Variants in BRAP observed in about 807,000 individuals in gnomAD.
BRAP encodes BRCA1-associated protein.
In BRAP, 42 loss-of-function variants were observed where a neutral mutation model predicts 73.4. The ratio of observed to expected loss-of-function variants is 0.57; its 90% confidence interval spans 0.45 to 0.74. BRAP has a LOEUF of 0.74. Ranked by LOEUF, BRAP falls within the 30% of genes least tolerant of loss-of-function variation. The pLI is 0.00. For synonymous variants in BRAP, 255 were observed against 267.4 expected, an observed-to-expected ratio of 0.95 and a Z score of 0.45; for missense variants, 593 against 751.4, an observed-to-expected ratio of 0.79 and a Z score of 2.46.
chr12:111,651,634 T>C (rs1706735809), intron 10 of BRAP, among the ~76,000 whole-genome samples: 2 of 150,534 alleles, frequency 1.3e-5, no homozygotes, highest in South Asian at 2.1e-4. Flanking sequence ...AGATTTCTTT[T>C]CTTTTTTTTT....
At chr12:111,670,318 T>C (rs1566123228) in intron 5 of BRAP, 5 of 541,548 alleles carry the variant, frequency 9.2e-6, no homozygotes, top group South Asian at 3.0e-5. Context: ...CTTCAGGTCC[T>C]CTGGCAGCTC....
intron 5 of BRAP, among the ~76,000 whole-genome samples, chr12:111,669,230 C>CT (rs1345431689): frequency 1.2e-4 from 18 of 151,426 alleles, no homozygotes; most frequent in Non-Finnish European, 1.5e-4. Flanking sequence ...TTGCTTCTCT[C>CT]TCTTTTTTTT....
chr12:111,648,310 ACT>A (rs1886188020), intron 11 of BRAP, among the ~76,000 whole-genome samples: 3 of 137,766 alleles, frequency 2.2e-5, no homozygotes, highest in South Asian at 2.3e-4. Context: ...ACAGAGCAAG[ACT>A]CTCTCTAAAA....
At chr12:111,681,246 T>C (rs1012842031) in intron 3 of BRAP, among the ~76,000 whole-genome samples, 1 of 151,984 alleles carries the variant, frequency 6.6e-6, no homozygotes, top group Admixed American at 6.6e-5. Flanking sequence ...GGTGGGCACC[T>C]GTAATCCCAG....
chr12:111,654,540 T>G (rs1886445444), intron 10 of BRAP, among the ~76,000 whole-genome samples: 1 of 152,202 alleles, frequency 6.6e-6, no homozygotes, highest in African/African-American at 2.4e-5. Flanking sequence ...GGCCTCAAAC[T>G]CCTGACCTCA....
chr12:111,660,233 T>G (rs1351745556), intron 7 of BRAP, among the ~76,000 whole-genome samples: 8 of 151,962 alleles, frequency 5.3e-5, no homozygotes, highest in Admixed American at 5.2e-4. Context: ...AAATTCACAA[T>G]TCATCAGTAA....
intron 8 of BRAP, 148 bp downstream of exon 8, chr12:111,659,059 A>C: frequency 1.0e-5 from 10 of 988,732 alleles, no homozygotes; most frequent in Non-Finnish European, 1.5e-5. Flanking sequence ...CATTCCTAGA[A>C]AAATAGTGCC....
chr12:111,684,665 T>C (rs1462584185), intron 1 of BRAP, among the ~76,000 whole-genome samples: 4 of 151,308 alleles, frequency 2.6e-5, no homozygotes, highest in African/African-American at 9.7e-5. Flanking sequence ...GAGCATAAGT[T>C]TTTTTTTTGT....
chr12:111,677,016 A>G (rs367555105), intron 4 of BRAP, among the ~76,000 whole-genome samples: 23 of 152,328 alleles, frequency 1.5e-4, no homozygotes, highest in African/African-American at 5.1e-4. Context: ...CCTGTTTCGC[A>G]GTCTCAGAAA....
intron 7 of BRAP, 55 bp downstream of exon 7, chr12:111,660,545 A>T: frequency 2.0e-6 from 3 of 1,466,558 alleles, no homozygotes; most frequent in Non-Finnish European, 2.8e-6. Context: ...GGCAGAAGAA[A>T]ACTCATGACA....
At chr12:111,682,447 G>A (rs895748477) in intron 2 of BRAP, among the ~76,000 whole-genome samples, 2 of 137,284 alleles carry the variant, frequency 1.5e-5, no homozygotes, top group Admixed American at 8.2e-5. Context: ...GTTGCAGTAA[G>A]CCGAGATCAT....
At chr12:111,666,052 G>C (rs112379529) in intron 5 of BRAP, among the ~76,000 whole-genome samples, 3 of 152,030 alleles carry the variant, frequency 2.0e-5, no homozygotes, top group African/African-American at 7.3e-5. Context: ...TTTGACTCCT[G>C]GCAGGATATC....
chr12:111,646,411 C>T (rs1886114315), intron 11 of BRAP, among the ~76,000 whole-genome samples: 1 of 152,202 alleles, frequency 6.6e-6, no homozygotes, highest in Non-Finnish European at 1.5e-5. Context: ...AAAAGAGGCA[C>T]TTACACACTA....
In BRAP at chr12:111,649,925, C is replaced by T; in HGVS notation, c.1415+14G>A. On this transcript the variant is annotated intron_variant, in intron 11 of 11. Transcript: ENST00000419234. ...ATAGAGCCTGTTACAACAGAATAGA[C>T]CGATTATACCTACTTTCTTTCCACA... 2 of 1,549,272 alleles carry T rather than the reference C, an allele frequency of 1.3e-6. No homozygotes were observed. Among genetic ancestry groups the T allele is most frequent in the Non-Finnish European group, 1.8e-6 (2 of 1,123,864 alleles).
intron 9 of BRAP, among the ~76,000 whole-genome samples, chr12:111,658,066 G>C (rs1886599448): frequency 6.6e-6 from 1 of 151,114 alleles, no homozygotes; most frequent in African/African-American, 2.4e-5. Context: ...AGCCTCCCAA[G>C]TAGCTGGGAT....
intron 4 of BRAP, among the ~76,000 whole-genome samples, chr12:111,675,213 A>G (rs1237831322): frequency 3.3e-5 from 5 of 151,882 alleles, no homozygotes; most frequent in Non-Finnish European, 5.9e-5. Flanking sequence ...GTGAGCCGAG[A>G]TCGTGCCACT....
intron 11 of BRAP, among the ~76,000 whole-genome samples, chr12:111,647,290 G>T (rs1886142849): frequency 6.6e-6 from 1 of 152,032 alleles, no homozygotes; most frequent in Admixed American, 6.6e-5. Context: ...CACCACAACA[G>T]AAATCATTAT....
chr12:111,666,499 C>G (rs575259077), intron 5 of BRAP, among the ~76,000 whole-genome samples: 7 of 152,310 alleles, frequency 4.6e-5, no homozygotes, highest in Admixed American at 2.6e-4. Context: ...AGACACTGTT[C>G]TAGGTGTGGA....
At chr12:111,681,930 T>TTATC in intron 2 of BRAP, 95 bp from the exon 3 acceptor site, 1 of 1,177,214 alleles carries the variant, frequency 8.5e-7, no homozygotes. Context: ...GGAATAAACT[T>TTATC]TGATAGAGTA....
Sources: gnomAD v4.1 joint callset for allele counts (sites outside exome capture counted in the v4.1 genomes callset) on GRCh38, gnomAD v4.1.1 for gene constraint, MANE v1.5 for transcripts, NCBI Gene and HGNC (gene_info 2026-07-23, HGNC 2026-07-21) for gene names.